Variants in MBD2 observed in about 807,000 individuals in gnomAD.
MBD2 encodes the protein methyl-CpG-binding domain protein 2.
MBD2 carries 9 observed loss-of-function variants against 39.3 expected under a neutral mutation model. The observed-to-expected ratio is 0.23, with a 90% CI of 0.14 to 0.40. The LOEUF (loss-of-function observed/expected upper bound fraction) is 0.40. Ranked by LOEUF, MBD2 falls within the 10% of genes least tolerant of loss-of-function variation. The pLI, the probability that MBD2 is intolerant of heterozygous loss-of-function variation, is 1.00. For synonymous variants in MBD2, 233 were observed against 211.1 expected, an observed-to-expected ratio of 1.10 and a Z score of -0.90; for missense variants, 458 against 532.6, an observed-to-expected ratio of 0.86 and a Z score of 1.38.
chr18:54,203,045 G>A (rs967934555), intron 2 of MBD2: 68 of 1,361,490 alleles, frequency 5.0e-5, no homozygotes, highest in Non-Finnish European at 6.4e-5. Flanking sequence ...CAGCGTATGA[G>A]CAAGCAGAGT....
At chr18:54,165,412 A>C (rs2086124249) in intron 4 of MBD2, among the ~76,000 whole-genome samples, 1 of 152,222 alleles carries the variant, frequency 6.6e-6, no homozygotes, top group South Asian at 2.1e-4. Context: ...AAGAACATAA[A>C]GGGATAAGGC....
chr18:54,166,468 A>G (rs2086133598), intron 3 of MBD2, among the ~76,000 whole-genome samples: 1 of 152,196 alleles, frequency 6.6e-6, no homozygotes. Context: ...AAAGAAAATA[A>G]TTTGAATTTT....
chr18:54,161,806 G>A (rs1348457984), intron 5 of MBD2, among the ~76,000 whole-genome samples: 3 of 152,164 alleles, frequency 2.0e-5, no homozygotes, highest in Non-Finnish European at 4.4e-5. Context: ...TCTTAAGGGT[G>A]AGCAGAACTT....
At chr18:54,220,933 C>G (rs990911971) in intron 1 of MBD2, among the ~76,000 whole-genome samples, 2 of 152,170 alleles carry the variant, frequency 1.3e-5, no homozygotes, top group Non-Finnish European at 2.9e-5. Context: ...TGCAAAGTAA[C>G]GGAACCTCTG....
At chr18:54,175,835 G>A (rs1031550952) in intron 3 of MBD2, among the ~76,000 whole-genome samples, 2 of 152,096 alleles carry the variant, frequency 1.3e-5, no homozygotes, top group African/African-American at 2.4e-5. Context: ...CTGCCGTCAG[G>A]GGACTGAAGA....
At position 54,178,885 on chromosome 18, in the gene MBD2, C is replaced by T. The variant is rs139233001; in HGVS notation, c.840+9989G>A. Among the ~76,000 whole-genome samples, 427 of 152,128 alleles carry T rather than the reference C, an allele frequency of 2.8e-3. 1 individual carries two copies. The highest frequency in any genetic ancestry group is 9.8e-3 in the African/African-American group (405 of 41,512). On this transcript the variant is annotated intron_variant, in intron 3 of 6. Coordinates refer to ENST00000256429, the MANE Select transcript of MBD2 (RefSeq NM_003927.5). The stretch of plus-strand genomic sequence containing the variant: ...TATATAAACAATCTTTTGCCACTAA[C>T]TTTGAAAATTATAAAATGCACAAAT...
chr18:54,189,510 C>T (rs1370375008), intron 2 of MBD2, among the ~76,000 whole-genome samples: 2 of 152,174 alleles, frequency 1.3e-5, no homozygotes, highest in Admixed American at 1.3e-4. Context: ...GCGTGAGCCA[C>T]CGCGCCCGGC....
At chr18:54,215,120 C>T (rs182278284) in intron 1 of MBD2, among the ~76,000 whole-genome samples, 1 of 152,266 alleles carries the variant, frequency 6.6e-6, no homozygotes, top group East Asian at 1.9e-4. Flanking sequence ...AAGATTAACA[C>T]AGTAAAGCAA....
chr18:54,190,721 C>T (rs2086314631), intron 2 of MBD2, among the ~76,000 whole-genome samples: 1 of 152,136 alleles, frequency 6.6e-6, no homozygotes, highest in East Asian at 1.9e-4. Flanking sequence ...CATTATACAT[C>T]ATATGGCTAA....
chr18:54,208,072 A>G (rs2086466317), intron 1 of MBD2, among the ~76,000 whole-genome samples: 2 of 151,996 alleles, frequency 1.3e-5, no homozygotes, highest in Admixed American at 6.6e-5. Context: ...ACAACAACAA[A>G]AAGCTGCAAT....
intron 1 of MBD2, among the ~76,000 whole-genome samples, chr18:54,221,223 C>G (rs867220524): frequency 3.5e-4 from 53 of 151,890 alleles, no homozygotes; most frequent in South Asian, 2.1e-3. Context: ...TTTGGGAGGC[C>G]AAGGCGGGTG....
chr18:54,167,139 C>A (rs897689690), intron 3 of MBD2, among the ~76,000 whole-genome samples: 2 of 152,130 alleles, frequency 1.3e-5, no homozygotes, highest in Non-Finnish European at 2.9e-5. Context: ...GTATAACTGT[C>A]TTTAATCCTG....
intron 2 of MBD2, among the ~76,000 whole-genome samples, chr18:54,193,601 C>T (rs1419274617): frequency 6.6e-6 from 1 of 152,000 alleles, no homozygotes; most frequent in Non-Finnish European, 1.5e-5. Flanking sequence ...ATCTTTTGTA[C>T]ACTCCCAAAG....
At chr18:54,183,248 T>A (rs1042767154) in intron 3 of MBD2, among the ~76,000 whole-genome samples, 1 of 152,192 alleles carries the variant, frequency 6.6e-6, no homozygotes, top group Non-Finnish European at 1.5e-5. Flanking sequence ...ACAATGTTAG[T>A]AGGAGAATTG....
chr18:54,222,528 C>A (rs771642582), intron 1 of MBD2: 3 of 313,552 alleles, frequency 9.6e-6, no homozygotes, highest in Non-Finnish European at 1.9e-5. Context: ...ATTGCCCAGG[C>A]ACAATCATAG....
At chr18:54,166,993 G>A (rs576428876) in intron 3 of MBD2, among the ~76,000 whole-genome samples, 1 of 152,104 alleles carries the variant, frequency 6.6e-6, no homozygotes, top group South Asian at 2.1e-4. Flanking sequence ...CTCCTACTAG[G>A]TGCTGTGCTC....
chr18:54,165,930 A>G, intron 4 of MBD2, 146 bp downstream of exon 4: 1 of 582,160 alleles, frequency 1.7e-6, no homozygotes, highest in Non-Finnish European at 3.1e-6. Flanking sequence ...TTACTAAAAC[A>G]CAAGAGGTAC....
At chr18:54,213,250 T>G (rs2086525789) in intron 1 of MBD2, among the ~76,000 whole-genome samples, 1 of 152,202 alleles carries the variant, frequency 6.6e-6, no homozygotes, top group African/African-American at 2.4e-5. Flanking sequence ...CATTACAGCC[T>G]GAGCTCTGCC....
intron 1 of MBD2, among the ~76,000 whole-genome samples, chr18:54,207,931 A>G (rs1470806826): frequency 1.3e-5 from 2 of 152,046 alleles, no homozygotes; most frequent in African/African-American, 4.8e-5. Context: ...CCAGCTACTC[A>G]GGAGGCTGAG....
Sources: allele counts gnomAD v4.1 joint callset (sites outside exome capture counted in the v4.1 genomes callset), GRCh38; gene constraint gnomAD v4.1.1; transcripts MANE v1.5; gene names NCBI Gene and HGNC (gene_info 2026-07-23, HGNC 2026-07-21).